The following MAPKAP1 variants were observed in gnomAD, a reference collection of about 807,000 sequenced individuals.
MAPKAP1 encodes target of rapamycin complex 2 subunit MAPKAP1.
MAPKAP1 carries 20 observed loss-of-function variants against 65.7 expected under a neutral mutation model. The observed-to-expected ratio is 0.30, with a 90% CI of 0.21 to 0.44. The LOEUF is 0.44. MAPKAP1 is among the 20% of genes least tolerant of loss of function. The pLI is 1.00. For synonymous variants in MAPKAP1, 222 were observed against 244.3 expected, an observed-to-expected ratio of 0.91 and a Z score of 0.85; for missense variants, 423 against 648.0, an observed-to-expected ratio of 0.65 and a Z score of 3.77.
chr9:125,608,344 G>A (rs1832500290), intron 4 of MAPKAP1, among the ~76,000 whole-genome samples: 1 of 152,144 alleles, frequency 6.6e-6, no homozygotes, highest in South Asian at 2.1e-4. Flanking sequence ...ATCCTTTGAT[G>A]TAAACAGTGA....
At chr9:125,522,029 T>G (rs1230841035) in intron 7 of MAPKAP1, among the ~76,000 whole-genome samples, 1 of 152,248 alleles carries the variant, frequency 6.6e-6, no homozygotes, top group African/African-American at 2.4e-5. Context: ...AGTAGTTGTA[T>G]GTACTTGACA....
chr9:125,480,769 G>A lies in MAPKAP1; in HGVS notation c.1207+3674C>T, dbSNP rs565812916. Among the ~76,000 whole-genome samples the A allele has an allele frequency of 7.3e-5, 11 of 151,710 alleles. No individual in the cohort carries two copies. In the East Asian group the frequency reaches 1.6e-3, roughly 21 times the overall value. ...GGGTGGATCACAAGGTCAGGAGATC[G>A]AGACCATCCTGGCTAACATGGTGAA... On this transcript the variant is annotated intron_variant, in intron 9 of 11. Coordinates refer to ENST00000265960, the MANE Select transcript of MAPKAP1 (RefSeq NM_001006617.3).
At chr9:125,478,470 G>A (rs1053352611) in intron 9 of MAPKAP1, among the ~76,000 whole-genome samples, 1 of 151,998 alleles carries the variant, frequency 6.6e-6, no homozygotes, top group Non-Finnish European at 1.5e-5. Context: ...TAGGACCACA[G>A]GTATGCGCCA....
chr9:125,505,702 A>T (rs1829119659), intron 8 of MAPKAP1, among the ~76,000 whole-genome samples: 1 of 152,228 alleles, frequency 6.6e-6, no homozygotes, highest in Admixed American at 6.5e-5. Flanking sequence ...TCCAGGTGGA[A>T]GAAATAGCCT....
intron 3 of MAPKAP1, among the ~76,000 whole-genome samples, chr9:125,664,698 C>G (rs567317146): frequency 8.8e-6 from 1 of 113,828 alleles, no homozygotes; most frequent in South Asian, 3.0e-4. Context: ...GCACTCCAGC[C>G]TGGGCAACAG....
At chr9:125,642,467 A>C (rs75110620) in intron 4 of MAPKAP1, among the ~76,000 whole-genome samples, 1 of 152,204 alleles carries the variant, frequency 6.6e-6, no homozygotes, top group African/African-American at 2.4e-5. Context: ...ACTAGACCCA[A>C]TATGGAGCTG....
intron 5 of MAPKAP1, among the ~76,000 whole-genome samples, chr9:125,563,957 C>T (rs144890218): frequency 0.022 from 3,388 of 152,288 alleles, 39 homozygotes; most frequent in South Asian, 0.041. Flanking sequence ...GTGATCCACC[C>T]GCCTTGGCCT....
At chr9:125,488,726 C>A (rs1854587736) in intron 8 of MAPKAP1, among the ~76,000 whole-genome samples, 1 of 152,170 alleles carries the variant, frequency 6.6e-6, no homozygotes, top group South Asian at 2.1e-4. Context: ...ATGGTGCAAC[C>A]ACTTCTCTGC....
chr9:125,631,714 G>A lies in MAPKAP1; in HGVS notation c.498+25937C>T, dbSNP rs560451862. Among the ~76,000 whole-genome samples, 3 of 152,194 alleles carry A rather than the reference G, an allele frequency of 2.0e-5. No individual in the cohort carries two copies. In the East Asian group the frequency reaches 5.8e-4, roughly 29 times the overall value. Reference sequence around the variant, plus strand: ...TCGTCTCTCACCTCCTCTGCTCTCAGCCTCCACATTCCAGTCATACCCTAC... The same window carrying A: ...TCGTCTCTCACCTCCTCTGCTCTCAACCTCCACATTCCAGTCATACCCTAC... On this transcript the variant is annotated intron_variant, in intron 4 of 11. Coordinates refer to ENST00000265960, the MANE Select transcript of MAPKAP1 (RefSeq NM_001006617.3).
At chr9:125,459,289 G>T in intron 10 of MAPKAP1, among the ~76,000 whole-genome samples, 1 of 150,754 alleles carries the variant, frequency 6.6e-6, no homozygotes, top group Admixed American at 6.6e-5. Flanking sequence ...TCACTTCCTA[G>T]ATCGGATGGC....
intron 7 of MAPKAP1, among the ~76,000 whole-genome samples, chr9:125,536,857 T>TCCA (rs1830088751): frequency 6.6e-6 from 1 of 152,204 alleles, no homozygotes; most frequent in African/African-American, 2.4e-5. Context: ...GTTTCCCTTT[T>TCCA]CCACAGGGCA....
chr9:125,466,017 C>T (rs535807224), intron 10 of MAPKAP1, among the ~76,000 whole-genome samples: 76 of 152,302 alleles, frequency 5.0e-4, no homozygotes, highest in Non-Finnish European at 1.0e-3. Context: ...ATGAGGCTAG[C>T]GTGTCAGCTG....
At chr9:125,504,278 C>A (rs1829074281) in intron 8 of MAPKAP1, among the ~76,000 whole-genome samples, 1 of 152,140 alleles carries the variant, frequency 6.6e-6, no homozygotes, top group East Asian at 1.9e-4. Context: ...GTTTACTACT[C>A]ATTTGATTTT....
At chr9:125,459,974 C>G (rs911165575) in intron 10 of MAPKAP1, among the ~76,000 whole-genome samples, 1 of 152,086 alleles carries the variant, frequency 6.6e-6, no homozygotes, top group African/African-American at 2.4e-5. Context: ...TCTAAGCTCT[C>G]CATTTATTTA....
Position 125,447,285 on chromosome 9 carries a change from A to T in MAPKAP1, c.1346-2687T>A. 2.5e-6 allele frequency: 1 copy of T among 402,426 alleles called. No homozygotes were observed. Among genetic ancestry groups the T allele is most frequent in the Non-Finnish European group, 5.1e-6 (1 of 195,764 alleles). 24.9% of individuals were successfully genotyped at this position (402,426 alleles called of 1,614,324 possible). On this transcript the variant is annotated intron_variant, in intron 10 of 11. Coordinates refer to ENST00000265960, the MANE Select transcript of MAPKAP1 (RefSeq NM_001006617.3). The surrounding 1 kb of genome is among the most constrained non-coding windows in gnomAD (Gnocchi z 4.5). ...CCCAACATTCCCCCACTCTCCCTCAAGCCTCCGGTCTGTTTGTCCTTTCCA... is the reference window on the plus strand; with the variant it reads ...CCCAACATTCCCCCACTCTCCCTCATGCCTCCGGTCTGTTTGTCCTTTCCA...
At chr9:125,565,641 G>A in intron 5 of MAPKAP1, 1 of 404,964 alleles carries the variant, frequency 2.5e-6, no homozygotes, top group Non-Finnish European at 4.9e-6. Context: ...AGGCGTTTAA[G>A]GTGATCAAGA....
At chr9:125,663,090 CT>C (rs1261428553) in intron 3 of MAPKAP1, among the ~76,000 whole-genome samples, 1 of 152,050 alleles carries the variant, frequency 6.6e-6, no homozygotes, top group Non-Finnish European at 1.5e-5. Context: ...GAAATTTAAA[CT>C]GGGGGAAAAG....
intron 4 of MAPKAP1, among the ~76,000 whole-genome samples, chr9:125,615,242 A>G (rs1832712034): frequency 6.6e-6 from 1 of 152,192 alleles, no homozygotes; most frequent in Admixed American, 6.5e-5. Context: ...GGAGAAAATG[A>G]TAAAATTTTA....
intron 4 of MAPKAP1, among the ~76,000 whole-genome samples, chr9:125,654,396 T>C (rs1833974820): frequency 2.0e-5 from 3 of 152,216 alleles, no homozygotes; most frequent in African/African-American, 7.2e-5. Context: ...CTAAAACTGC[T>C]TGGCCATCAA....
Sources: gnomAD v4.1 joint callset for allele counts (sites outside exome capture counted in the v4.1 genomes callset) on GRCh38, gnomAD v4.1.1 for gene constraint, Gnocchi (gnomAD v3.1) non-coding constraint, MANE v1.5 for transcripts, NCBI Gene and HGNC (gene_info 2026-07-23, HGNC 2026-07-21) for gene names.